Variants in TCF4 observed in about 807,000 individuals in gnomAD.
The protein encoded by TCF4 is transcription factor 4, also known as SL3-3 enhancer factor 2.
A neutral mutation model predicts 82.1 loss-of-function variants in TCF4; 3 were observed. The ratio of observed to expected loss-of-function variants is 0.04; its 90% CI spans 0.02 to 0.09. The LOEUF (loss-of-function observed/expected upper bound fraction) is 0.09. TCF4 is among the 10% of genes least tolerant of loss of function. TCF4 has a pLI of 1.00. For synonymous variants in TCF4, 276 were observed against 309.6 expected (o/e 0.89, Z 1.14); for missense variants, 518 against 852.7 (o/e 0.61, Z 4.89).
At chr18:55,445,325 A>T (rs1876966287) in intron 5 of TCF4, among the ~76,000 whole-genome samples, 1 of 152,048 alleles carries the variant, frequency 6.6e-6, no homozygotes, top group South Asian at 2.1e-4. Flanking sequence ...TACAATTTAT[A>T]GATTTTAATT....
intron 3 of TCF4, among the ~76,000 whole-genome samples, chr18:55,567,471 AATC>A (rs1278404513): frequency 4.6e-5 from 7 of 152,288 alleles, no homozygotes; most frequent in African/African-American, 1.2e-4. Flanking sequence ...TTTAAGACAC[AATC>A]AACAGAGGTG....
chr18:55,620,800 C>CTTTTTTTTTTT (rs35186442), intron 2 of TCF4, among the ~76,000 whole-genome samples: 1 of 143,762 alleles, frequency 7.0e-6, no homozygotes, highest in African/African-American at 2.6e-5. Context: ...TTGTCCAGTT[C>CTTTTTTTTTTT]TTTTTTTTTT....
At chr18:55,427,536 G>T (rs984342909) in intron 5 of TCF4, among the ~76,000 whole-genome samples, 3 of 152,142 alleles carry the variant, frequency 2.0e-5, no homozygotes, top group Non-Finnish European at 4.4e-5. Context: ...TGTTTCCAAT[G>T]AACTGAGAAC....
At chr18:55,401,579 C>A in intron 6 of TCF4, 1 of 987,806 alleles carries the variant, frequency 1.0e-6, no homozygotes, top group Non-Finnish European at 1.2e-6. Context: ...CCACTTCTCA[C>A]CTTGTGTTTG....
intron 5 of TCF4, among the ~76,000 whole-genome samples, chr18:55,410,539 G>T (rs1378861374): frequency 6.6e-6 from 1 of 151,962 alleles, no homozygotes; most frequent in Non-Finnish European, 1.5e-5. Flanking sequence ...CATTAAATGG[G>T]CATTTTAGTC....
chr18:55,503,443 G>A (rs928402648), intron 3 of TCF4, among the ~76,000 whole-genome samples: 4 of 152,020 alleles, frequency 2.6e-5, no homozygotes, highest in African/African-American at 9.7e-5. Flanking sequence ...ATTCTCAAAA[G>A]CAACCTAAGA....
At chr18:55,325,220 G>C (rs1197333510) in intron 8 of TCF4, among the ~76,000 whole-genome samples, 1 of 152,018 alleles carries the variant, frequency 6.6e-6, no homozygotes, top group Non-Finnish European at 1.5e-5. Context: ...TCCCAACTTT[G>C]GGTTAAGCTC....
intron 8 of TCF4, among the ~76,000 whole-genome samples, chr18:55,319,949 T>C (rs1458111092): frequency 6.6e-6 from 1 of 152,196 alleles, no homozygotes. Flanking sequence ...ATAAAAACCA[T>C]GGAAACTTAT....
chr18:55,260,460 T>C (rs2057805355), intron 12 of TCF4, among the ~76,000 whole-genome samples: 2 of 152,204 alleles, frequency 1.3e-5, no homozygotes, highest in Admixed American at 6.5e-5. Flanking sequence ...ACAAAAACTT[T>C]TACTTAGGGC....
At chr18:55,239,575 TATAG>T (rs1472781042) in intron 15 of TCF4, among the ~76,000 whole-genome samples, 4 of 152,186 alleles carry the variant, frequency 2.6e-5, no homozygotes, top group Admixed American at 6.5e-5. Context: ...TACGTACATA[TATAG>T]ATAGAGGAAA....
At chr18:55,398,850 A>G (rs2093641878) in intron 6 of TCF4, among the ~76,000 whole-genome samples, 1 of 152,218 alleles carries the variant, frequency 6.6e-6, no homozygotes, top group Non-Finnish European at 1.5e-5. Context: ...TGTGGAAATC[A>G]GCATGCAACA....
intron 3 of TCF4, among the ~76,000 whole-genome samples, chr18:55,565,820 C>T (rs900976177): frequency 2.7e-4 from 40 of 150,904 alleles, no homozygotes; most frequent in African/African-American, 9.2e-4. Context: ...ATGGATGAAA[C>T]TGGAGGTCAC....
At chr18:55,257,785 G>A (rs187343040) in intron 13 of TCF4, among the ~76,000 whole-genome samples, 34 of 152,140 alleles carry the variant, frequency 2.2e-4, no homozygotes, top group Admixed American at 1.5e-3. Flanking sequence ...TCGCACCAGT[G>A]GAAAACAGCT....
chr18:55,477,746 T>C (rs2096326325), intron 3 of TCF4, among the ~76,000 whole-genome samples: 1 of 152,192 alleles, frequency 6.6e-6, no homozygotes, highest in African/African-American at 2.4e-5. Context: ...TGTTCACTAC[T>C]GAAGTAGTGA....
chr18:55,460,419 C>T (rs946155107), intron 5 of TCF4, among the ~76,000 whole-genome samples: 1 of 151,966 alleles, frequency 6.6e-6, no homozygotes, highest in Non-Finnish European at 1.5e-5. Context: ...AATGGCATGC[C>T]GGAGATTCAC....
intron 3 of TCF4, among the ~76,000 whole-genome samples, chr18:55,488,916 TG>T (rs1349458661): frequency 1.3e-5 from 2 of 152,214 alleles, no homozygotes; most frequent in African/African-American, 4.8e-5. Flanking sequence ...GTACCTGTGC[TG>T]ATATTAGAAG....
chr18:55,394,101 A>G (rs1459994139), intron 6 of TCF4, among the ~76,000 whole-genome samples: 1 of 152,224 alleles, frequency 6.6e-6, no homozygotes, highest in Non-Finnish European at 1.5e-5. Flanking sequence ...TAAGTGCACC[A>G]ATATTTTGTT....
At position 55,228,276 on chromosome 18, in the gene TCF4, G is replaced by A. The variant is rs147289056; in HGVS notation, c.1965C>T (p.Ala655=). 4.6e-5 allele frequency: 74 copies of A among 1,614,098 alleles called. No homozygotes were observed. The highest frequency in any genetic ancestry group is 2.9e-4 in the African/African-American group (22 of 75,020). Residue 655 remains alanine (A), a synonymous_variant, in exon 19 of 20, where the codon GCC becomes GCT. Coordinates refer to ENST00000354452, the MANE Select transcript of TCF4 (RefSeq NM_001083962.2). ...CGTCTCCCATTCCAGGGTGTGGGCC[G>A]GCCAAGGAGAGAGGGGGAGGCTCTG... ...VSSEPPPLSL[A]GPHPGMGDAS... is the part of the protein sequence containing the mutation.
chr18:55,620,644 T>C (rs149216226), intron 2 of TCF4, among the ~76,000 whole-genome samples: 49 of 152,332 alleles, frequency 3.2e-4, no homozygotes, highest in African/African-American at 7.7e-4. Flanking sequence ...GCTTAGGTTT[T>C]ATCTTCCTGC....
Sources: allele counts gnomAD v4.1 joint callset (sites outside exome capture counted in the v4.1 genomes callset), GRCh38; gene constraint gnomAD v4.1.1; transcripts MANE v1.5; gene names NCBI Gene and HGNC (gene_info 2026-07-23, HGNC 2026-07-21).